The following SYNJ2 variants were observed in gnomAD, a reference collection of about 807,000 sequenced individuals.
The protein encoded by SYNJ2 is polyphosphatidylinositol phosphatase SYNJ2.
A neutral mutation model predicts 141.3 loss-of-function variants in SYNJ2; 116 were observed. The ratio of observed to expected loss-of-function variants is 0.82; its 90% CI spans 0.71 to 0.96. The LOEUF is 0.96. Ranked by LOEUF, SYNJ2 falls within the 40% of genes least tolerant of loss-of-function variation. The probability of loss-of-function intolerance (pLI) is 0.00; values close to 1 mark genes in which losing one functional copy is unlikely to be tolerated. For missense variants in SYNJ2, 1,873 were observed against 1,934.8 expected, an observed-to-expected ratio of 0.97 and a Z score of 0.60; for synonymous variants, 745 against 777.7, an observed-to-expected ratio of 0.96 and a Z score of 0.70.
intron 2 of SYNJ2, among the ~76,000 whole-genome samples, chr6:158,022,491 T>A (rs921860920): frequency 3.3e-5 from 5 of 152,144 alleles, no homozygotes; most frequent in Admixed American, 3.3e-4. Context: ...CTCTGGCAGC[T>A]CCCTCTGACC....
At chr6:158,082,666 CCAAA>C (rs1782774550) in intron 20 of SYNJ2, among the ~76,000 whole-genome samples, 3 of 151,970 alleles carry the variant, frequency 2.0e-5, no homozygotes, top group Non-Finnish European at 4.4e-5. Context: ...TCTCAAAAAA[CCAAA>C]CAAACAGAAT....
chr6:158,029,839 T>C (rs1438805182), intron 3 of SYNJ2, among the ~76,000 whole-genome samples: 1 of 152,200 alleles, frequency 6.6e-6, no homozygotes, highest in African/African-American at 2.4e-5. Context: ...GCGGAGGCTC[T>C]GTTACCCCAT....
chr6:158,004,172 C>T (rs540380809), intron 1 of SYNJ2, among the ~76,000 whole-genome samples: 6 of 152,228 alleles, frequency 3.9e-5, no homozygotes, highest in South Asian at 4.2e-4. Flanking sequence ...TGAACCAGAG[C>T]GACTCCATCT....
Position 158,076,694 on chromosome 6 carries a change from C to G in SYNJ2, c.2361C>G (p.Ala787=). 1 of 1,614,184 alleles carries G rather than the reference C, an allele frequency of 6.2e-7. No individual in the cohort carries two copies. The highest frequency in any genetic ancestry group is 8.5e-7 in the Non-Finnish European group (1 of 1,180,034). ...GPTYKYDVGS[A]AYDTSDKCRT... Reference sequence around the variant, plus strand: ...CCTACAAGTATGACGTTGGCTCAGCCGCCTACGATACAAGCGACAAATGCC... The same window carrying G: ...CCTACAAGTATGACGTTGGCTCAGCGGCCTACGATACAAGCGACAAATGCC... The change falls in exon 17 of 27, where the codon GCC becomes GCG. Residue 787 remains alanine (A), a synonymous_variant. Transcript: ENST00000355585.
chr6:158,093,528 G>T (rs1175108238), intron 26 of SYNJ2, among the ~76,000 whole-genome samples: 2 of 151,864 alleles, frequency 1.3e-5, no homozygotes, highest in Non-Finnish European at 2.9e-5. Context: ...ATGAGTCCCA[G>T]ACACAGGTGT....
At position 157,982,127 on chromosome 6, in the gene SYNJ2, G is replaced by A; in HGVS notation, c.127+39G>A. ...GGGGGCAGCGACGCCCGGAGGAGAG[G>A]GCGCCCGCATTCGCCCAGCCTCGGG... On this transcript the variant is annotated intron_variant, in intron 1 of 26. Coordinates refer to ENST00000355585, the MANE Select transcript of SYNJ2 (RefSeq NM_003898.4). This position sits in a 1 kb window ranked among gnomAD's most constrained non-coding sequence, Gnocchi z 4.0. 2 of 1,286,464 alleles carry A rather than the reference G, an allele frequency of 1.6e-6. No individual in the cohort carries two copies. Among genetic ancestry groups the A allele is most frequent in the Non-Finnish European group, 2.0e-6 (2 of 1,015,980 alleles). The allele number at this position is 1,286,464 out of a possible 1,614,324, so 79.7% of individuals were successfully genotyped here. A position where few individuals can be genotyped will look rare whatever the true frequency, so the allele number is the denominator to read the frequency against.
chr6:158,039,523 C>T (rs1259002554), intron 4 of SYNJ2, among the ~76,000 whole-genome samples: 2 of 152,232 alleles, frequency 1.3e-5, no homozygotes, highest in Non-Finnish European at 2.9e-5. Context: ...GGGAGCCTGG[C>T]ACTTCCTACC....
intron 5 of SYNJ2, among the ~76,000 whole-genome samples, chr6:158,046,921 C>A (rs1780270093): frequency 6.6e-6 from 1 of 151,862 alleles, no homozygotes; most frequent in African/African-American, 2.4e-5. Flanking sequence ...TAGACACGTG[C>A]CTTGCCAAGG....
intron 3 of SYNJ2, among the ~76,000 whole-genome samples, chr6:158,031,809 C>T (rs1779379510): frequency 6.6e-6 from 1 of 152,148 alleles, no homozygotes; most frequent in African/African-American, 2.4e-5. Flanking sequence ...GAGTCATCCT[C>T]CTGCCAGAGG....
At chr6:158,014,076 A>G (rs1255364283) in intron 1 of SYNJ2, among the ~76,000 whole-genome samples, 1 of 152,220 alleles carries the variant, frequency 6.6e-6, no homozygotes, top group Non-Finnish European at 1.5e-5. Context: ...TCAAATACCC[A>G]TGGGACCATT....
chr6:157,995,827 G>A (rs1473499741), intron 1 of SYNJ2, among the ~76,000 whole-genome samples: 1 of 152,150 alleles, frequency 6.6e-6, no homozygotes, highest in African/African-American at 2.4e-5. Flanking sequence ...TTCCCATAAT[G>A]CCATCATTAA....
intron 5 of SYNJ2, among the ~76,000 whole-genome samples, chr6:158,053,364 C>T (rs981612266): frequency 6.6e-6 from 1 of 152,182 alleles, no homozygotes; most frequent in African/African-American, 2.4e-5. Context: ...TAAACTTTCC[C>T]TTAAGATTTA....
chr6:158,000,123 G>A (rs1562314860), intron 1 of SYNJ2, among the ~76,000 whole-genome samples: 1 of 121,948 alleles, frequency 8.2e-6, no homozygotes, highest in East Asian at 2.4e-4. Context: ...GCTAATTCTA[G>A]GTACAGAAAA....
rs113144396 is a variant in SYNJ2 at position 158,027,243 on chromosome 6, C to G, written c.215-1513C>G. ...TCCTGGAGTGTGGAGAGATCAGAACCATCTCCAGACCATGGCTGTAGACAG... is the reference window on the plus strand; with the variant it reads ...TCCTGGAGTGTGGAGAGATCAGAACGATCTCCAGACCATGGCTGTAGACAG... On this transcript the variant is annotated intron_variant, in intron 2 of 26. Coordinates refer to ENST00000355585, the MANE Select transcript of SYNJ2 (RefSeq NM_003898.4). The surrounding 1 kb of genome is among the most constrained non-coding windows in gnomAD (Gnocchi z 4.6). 2,462 of 965,510 alleles carry G rather than the reference C, an allele frequency of 2.5e-3. 22 individuals are homozygous for G. The African/African-American group carries it at 0.028, about 11-fold the overall frequency. 59.8% of individuals were successfully genotyped at this position (965,510 alleles called of 1,614,324 possible).
In SYNJ2 at chr6:158,033,397, G is replaced by A; in HGVS notation, c.486-58G>A. On this transcript the variant is annotated intron_variant, in intron 3 of 26. Coordinates refer to ENST00000355585, the MANE Select transcript of SYNJ2 (RefSeq NM_003898.4). ...TTCCTCAGCCACACTCGCTGTCCAG[G>A]CAGCATGTATTGGAGGATGTCAAGT... 4 of 1,567,080 alleles carry A rather than the reference G, an allele frequency of 2.6e-6. No individual in the cohort carries two copies. In the South Asian group the frequency reaches 4.6e-5, roughly 18 times the overall value.
chr6:158,060,078 C>T (rs1312618729), intron 7 of SYNJ2, among the ~76,000 whole-genome samples: 4 of 152,216 alleles, frequency 2.6e-5, no homozygotes, highest in Admixed American at 6.5e-5. Flanking sequence ...ACAGGGCACC[C>T]GGCCTCAGGG....
chr6:158,069,785 C>T (rs1196304825), intron 14 of SYNJ2, 112 bp downstream of exon 14: 37 of 1,304,118 alleles, frequency 2.8e-5, no homozygotes, highest in African/African-American at 4.4e-5. Flanking sequence ...GGAATCGGGA[C>T]TTACCATTAT....
chr6:157,994,017 A>G (rs1393129717), intron 1 of SYNJ2, among the ~76,000 whole-genome samples: 1 of 151,456 alleles, frequency 6.6e-6, no homozygotes, highest in East Asian at 1.9e-4. Flanking sequence ...GGGTTTCACC[A>G]TGTTAGTCAG....
chr6:158,011,151 T>C (rs967127751), intron 1 of SYNJ2, among the ~76,000 whole-genome samples: 1 of 151,730 alleles, frequency 6.6e-6, no homozygotes, highest in Non-Finnish European at 1.5e-5. Context: ...AGGGGACATA[T>C]TGGGAGAGAA....
Sources: gnomAD v4.1 joint callset for allele counts (sites outside exome capture counted in the v4.1 genomes callset) on GRCh38, gnomAD v4.1.1 for gene constraint, Gnocchi (gnomAD v3.1) non-coding constraint, MANE v1.5 for transcripts, NCBI Gene and HGNC (gene_info 2026-07-23, HGNC 2026-07-21) for gene names.